UMODL1: variants seen among roughly 807,000 people sequenced by gnomAD.
The protein encoded by UMODL1 is uromodulin like 1.
Under a neutral mutation model 136.3 loss-of-function variants are expected in UMODL1, and 128 were observed. The observed-to-expected ratio is 0.94, with a 90% CI of 0.81 to 1.09. The LOEUF is 1.09. Ranked by LOEUF, UMODL1 falls within the 50% of genes least tolerant of loss-of-function variation. The probability of loss-of-function intolerance (pLI) is 0.00; values close to 1 mark genes in which losing one functional copy is unlikely to be tolerated. For synonymous variants in UMODL1, 721 were observed against 720.0 expected, an observed-to-expected ratio of 1.00 and a Z score of -0.02; for missense variants, 1,766 against 1,725.6, an observed-to-expected ratio of 1.02 and a Z score of -0.41.
chr21:42,071,064 G>C (rs1427152104), upstream of UMODL1, among the ~76,000 whole-genome samples: 2 of 152,220 alleles, frequency 1.3e-5, no homozygotes, highest in Non-Finnish European at 2.9e-5. Flanking sequence ...CATCTGCTTG[G>C]AGCAGAATAG....
upstream of UMODL1, among the ~76,000 whole-genome samples, chr21:42,069,229 A>AAC (rs61712292): frequency 0.07 from 9,596 of 136,340 alleles, 580 homozygotes; most frequent in African/African-American, 0.17. Context: ...CACAGACAGA[A>AAC]ACACACACAC....
At chr21:42,108,652 G>A (rs2066759518) in intron 9 of UMODL1, 5 of 320,308 alleles carry the variant, frequency 1.6e-5, no homozygotes, top group South Asian at 7.8e-5. Flanking sequence ...CGCGCAGAAG[G>A]CACTGTCACC....
chr21:42,101,747 T>C (rs780070594), intron 7 of UMODL1: 3 of 456,846 alleles, frequency 6.6e-6, no homozygotes, highest in South Asian at 4.6e-5. Flanking sequence ...AGCTAAATTC[T>C]GGAACCTCCC....
rs576910830 is a variant in UMODL1 at position 42,114,114 on chromosome 21, G to A, written c.2362+284G>A. 1.1e-4 allele frequency among the ~76,000 whole-genome samples: 17 copies of A among 152,344 alleles called. No homozygotes were observed. The East Asian group carries it at 2.7e-3, about 24-fold the overall frequency. On this transcript the variant is annotated intron_variant, in intron 13 of 22. Transcript: ENST00000408910. Reference sequence around the variant, plus strand: ...CGGGTGCGGCTCACCCATGTCCTCCGGGGGAGGCAGCATGGAAAATGCATG... The same window carrying A: ...CGGGTGCGGCTCACCCATGTCCTCCAGGGGAGGCAGCATGGAAAATGCATG...
chr21:42,129,790 G>A lies in UMODL1; in HGVS notation c.3768G>A (p.Arg1256=), dbSNP rs778433742. The stretch of plus-strand genomic sequence containing the variant: ...AGATGTCCTGGGGACCCCTCATCCG[G>A]TCTGAAGGTGAGTTGATGACTTGGT... ...THQMSWGPLI[R]SEGEPPHAEA... Residue 1256 remains arginine (R), a synonymous_variant, in exon 21 of 23, where the codon CGG becomes CGA. Coordinates refer to ENST00000408910, the MANE Select transcript of UMODL1 (RefSeq NM_001004416.3). The A allele has an allele frequency of 1.3e-6, 2 of 1,572,044 alleles. No homozygotes were observed. Among genetic ancestry groups the A allele is most frequent in the Non-Finnish European group, 1.7e-6 (2 of 1,164,146 alleles).
In UMODL1 at chr21:42,084,066, T is replaced by C. The variant is rs374708819; in HGVS notation, c.320-18T>C. 7.5e-6 allele frequency: 12 copies of C among 1,608,796 alleles called. No individual in the cohort carries two copies. The African/African-American group carries it at 1.6e-4, about 22-fold the overall frequency. ...GTCTTTTATCGCCAGTATCATTAAT[T>C]GTATCATTTTCTCCCAGCCCTGAAT... On this transcript the variant is annotated intron_variant, in intron 2 of 22. Transcript: ENST00000408910.
chr21:42,101,127 C>A (rs970851208), intron 7 of UMODL1, among the ~76,000 whole-genome samples: 1 of 151,276 alleles, frequency 6.6e-6, no homozygotes, highest in African/African-American at 2.4e-5. Context: ...TTTTAAGGAG[C>A]CCAATTTGCT....
chr21:42,091,712 C>G (rs141998734), intron 6 of UMODL1, among the ~76,000 whole-genome samples: 4 of 152,174 alleles, frequency 2.6e-5, no homozygotes, highest in African/African-American at 9.7e-5. Flanking sequence ...GGGGAAGACC[C>G]GAGCTGTTGT....
At chr21:42,129,891 C>A in intron 21 of UMODL1, 94 bp downstream of exon 21, 1 of 980,524 alleles carries the variant, frequency 1.0e-6, no homozygotes, top group Non-Finnish European at 1.5e-6. Flanking sequence ...TTGTGAAATG[C>A]AGAACTCTTG....
intron 1 of UMODL1, among the ~76,000 whole-genome samples, chr21:42,064,587 G>T (rs755390121): frequency 6.6e-6 from 1 of 151,936 alleles, no homozygotes; most frequent in Non-Finnish European, 1.5e-5. Flanking sequence ...ACAGAGTTTC[G>T]CTTTAGTTGC....
Position 42,090,420 on chromosome 21 carries a change from C to A in UMODL1, c.913C>A (p.Leu305Met). Residue 305 changes from leucine (L) to methionine (M), a missense_variant, in exon 6 of 23, where the codon CTG becomes ATG. By Grantham distance (15) the Leu-to-Met change is conservative. Coordinates refer to ENST00000408910, the MANE Select transcript of UMODL1 (RefSeq NM_001004416.3). ...QEAPATSPRKLNLEWEDCPPV... is the reference protein window; with the variant it reads ...QEAPATSPRKMNLEWEDCPPV... The stretch of plus-strand genomic sequence containing the variant: ...AGCTCCAGCCACGTCTCCACGGAAG[C>A]TGAACCTGGAGTGGGAAGGTAATGG... The A allele has an allele frequency of 6.2e-7, 1 of 1,613,932 alleles. No individual in the cohort carries two copies. The highest frequency in any genetic ancestry group is 8.5e-7 in the Non-Finnish European group (1 of 1,179,896).
chr21:42,104,600 C>T lies in UMODL1; in HGVS notation c.1519+513C>T, dbSNP rs2066689285. ...CAGTAGCTGGGATTATAGGCGCCTG[C>T]CACCACGCCTGGCTAATTTTTGTAT... On this transcript the variant is annotated intron_variant, in intron 9 of 22. Coordinates refer to ENST00000408910, the MANE Select transcript of UMODL1 (RefSeq NM_001004416.3). Among the ~76,000 whole-genome samples the T allele has an allele frequency of 2.6e-5, 4 of 152,120 alleles. No homozygotes were observed. In the South Asian group the frequency reaches 8.3e-4, roughly 32 times the overall value.
At chr21:42,135,150 A>G (rs1238690474) in intron 21 of UMODL1, among the ~76,000 whole-genome samples, 4 of 152,222 alleles carry the variant, frequency 2.6e-5, no homozygotes, top group South Asian at 2.1e-4. Flanking sequence ...GTGGACTGAC[A>G]TGTGGTCCAA....
At position 42,085,982 on chromosome 21, in the gene UMODL1, C is replaced by A. The variant is rs951179593; in HGVS notation, c.603+570C>A. ...TGTCCCCTGGGGATAAAAACAAACA[C>A]CCTGGCTGACCCTTGCTGATGACAC... On this transcript the variant is annotated intron_variant, in intron 4 of 22. Coordinates refer to ENST00000408910, the MANE Select transcript of UMODL1 (RefSeq NM_001004416.3). The surrounding 1 kb of genome is among the most constrained non-coding windows in gnomAD (Gnocchi z 4.5). Among the ~76,000 whole-genome samples, 1 of 152,238 alleles carries A rather than the reference C, an allele frequency of 6.6e-6. No homozygotes were observed. The highest frequency in any genetic ancestry group is 2.4e-5 in the African/African-American group (1 of 41,462).
Position 42,095,089 on chromosome 21 carries a change from G to GGTTTTTTT in UMODL1, c.932-3837_932-3836insGTTTTTTT, listed in dbSNP as rs1555922532. 9.3e-4 allele frequency among the ~76,000 whole-genome samples: 57 copies of GGTTTTTTT among 61,204 alleles called. 3 individuals carry two copies. Among genetic ancestry groups the GGTTTTTTT allele is most frequent in the African/African-American group, 1.9e-3 (30 of 15,894 alleles). 40.2% of individuals were successfully genotyped at this position (61,204 alleles called of 152,430 possible). A position where few individuals can be genotyped will look rare whatever the true frequency, so the allele number is the denominator to read the frequency against. ...CATCACTCCTTTGTTTTCTTCTGCT[G>GGTTTTTTT]TTTTTTTTTTTTTTTTTTTTTTTGA... On this transcript the variant is annotated intron_variant, in intron 6 of 22. Transcript: ENST00000408910.
upstream of UMODL1, among the ~76,000 whole-genome samples, chr21:42,067,677 G>A (rs1280249513): frequency 6.6e-6 from 1 of 152,196 alleles, no homozygotes; most frequent in Non-Finnish European, 1.5e-5. Context: ...CTGTGTTACG[G>A]AAGCACCTCT....
rs1446393733 is a variant in UMODL1 at position 42,110,901 on chromosome 21, G to A, written c.1679G>A (p.Gly560Asp). ...GCAGGTGACCTGGTGAGCCCCATGG[G>A]CGGTGGACTGTCTGCGGCAACAGGG... ...ACEGDLVSPMGGGLSAATGVT... is the reference protein window; with the variant it reads ...ACEGDLVSPMDGGLSAATGVT... Residue 560 changes from glycine (G) to aspartate (D), a missense_variant, in exon 11 of 23, where the codon GGC becomes GAC. Transcript: ENST00000408910. The A allele has an allele frequency of 6.2e-7, 1 of 1,610,526 alleles. No homozygotes were observed. The highest frequency in any genetic ancestry group is 8.5e-7 in the Non-Finnish European group (1 of 1,179,012).
intron 10 of UMODL1, 93 bp from the exon 11 acceptor site, chr21:42,110,787 G>A (rs220125): frequency 0.51 from 633,784 of 1,243,940 alleles, 165,900 homozygotes; most frequent in East Asian, 0.54. Context: ...GGGATGCAGA[G>A]CAGTCCTGCT....
intron 6 of UMODL1, among the ~76,000 whole-genome samples, chr21:42,091,133 G>A (rs1227081436): frequency 6.6e-6 from 1 of 152,208 alleles, no homozygotes; most frequent in Non-Finnish European, 1.5e-5. Context: ...ATCTTCTTTG[G>A]CTTAGGAAAT....
Sources: allele counts gnomAD v4.1 joint callset (sites outside exome capture counted in the v4.1 genomes callset), GRCh38; gene constraint gnomAD v4.1.1; non-coding constraint Gnocchi (gnomAD v3.1); transcripts MANE v1.5; gene names NCBI Gene and HGNC (gene_info 2026-07-23, HGNC 2026-07-21).